The following ZNF26 variants were observed in gnomAD, a reference collection of about 807,000 sequenced individuals.
The protein encoded by ZNF26 is epididymis luminal protein 179.
A neutral mutation model predicts 54.9 loss-of-function variants in ZNF26; 32 were observed. The observed-to-expected ratio is 0.58, with a 90% CI of 0.44 to 0.78. The LOEUF (loss-of-function observed/expected upper bound fraction) is 0.78. Ranked by LOEUF, ZNF26 falls within the 30% of genes least tolerant of loss-of-function variation. ZNF26 has a pLI of 0.00. For synonymous variants in ZNF26, 221 were observed against 209.2 expected, an observed-to-expected ratio of 1.06 and a Z score of -0.49; for missense variants, 524 against 634.0, an observed-to-expected ratio of 0.83 and a Z score of 1.86.
In ZNF26 at chr12:133,014,525, CTGTT is replaced by C. The variant is rs1440726804; in HGVS notation, c.*3046_*3049del. On this transcript the variant is annotated 3_prime_UTR_variant, in exon 4 of 4. Coordinates refer to ENST00000328654, the MANE Select transcript of ZNF26 (RefSeq NM_019591.4). ...CCAGCAGTGATGATGGTTTTGCTTT[CTGTT>C]TTTTTTTTTGTTTTGTTTTGTTTTT... is the stretch of plus-strand genomic sequence containing the variant. The C allele has an allele frequency of 2.0e-5, 3 of 149,192 alleles. No individual in the cohort carries two copies. The highest frequency in any genetic ancestry group is 7.4e-5 in the African/African-American group (3 of 40,340). 9.2% of individuals were successfully genotyped at this position (149,192 alleles called of 1,614,324 possible). A position where few individuals can be genotyped will look rare whatever the true frequency, so the allele number is the denominator to read the frequency against.
chr12:132,990,576 C>A (rs1952927272), intron 1 of ZNF26, among the ~76,000 whole-genome samples: 1 of 152,162 alleles, frequency 6.6e-6, no homozygotes, highest in African/African-American at 2.4e-5. Context: ...AGGATTCCCT[C>A]TGCCTTTATC....
At position 133,001,808 on chromosome 12, in the gene ZNF26, C is replaced by G; in HGVS notation, c.34-5234C>G. Reference sequence around the variant, plus strand: ...CTCCCCAGCTGCCTTTTGAGAGTCCCGCGGCAGTCTTTGCCTTCAGAATTT... The same window carrying G: ...CTCCCCAGCTGCCTTTTGAGAGTCCGGCGGCAGTCTTTGCCTTCAGAATTT... On this transcript the variant is annotated intron_variant, in intron 1 of 3. Coordinates refer to ENST00000328654, the MANE Select transcript of ZNF26 (RefSeq NM_019591.4). The surrounding 1 kb of genome is among the most constrained non-coding windows in gnomAD (Gnocchi z 4.7). 5.1e-6 allele frequency: 4 copies of G among 784,840 alleles called. No homozygotes were observed. In the South Asian group the frequency reaches 5.8e-5, roughly 11 times the overall value. 48.6% of individuals were successfully genotyped at this position (784,840 alleles called of 1,614,324 possible). A position where few individuals can be genotyped will look rare whatever the true frequency, so the allele number is the denominator to read the frequency against.
intron 1 of ZNF26, among the ~76,000 whole-genome samples, chr12:132,990,889 C>G (rs907260451): frequency 1.3e-5 from 2 of 151,920 alleles, no homozygotes; most frequent in Admixed American, 6.6e-5. Context: ...GATAGAGTCT[C>G]ACTCTGTCAC....
chr12:133,012,540 C>G lies in ZNF26; in HGVS notation c.*1059C>G, dbSNP rs1458752857. ...CTTCTCTGATCTGTGTGTTTCCTCACTTCTCAATAAAAATGTCTTTTGCTT... is the reference window on the plus strand; with the variant it reads ...CTTCTCTGATCTGTGTGTTTCCTCAGTTCTCAATAAAAATGTCTTTTGCTT... On this transcript the variant is annotated 3_prime_UTR_variant, in exon 4 of 4. Coordinates refer to ENST00000328654, the MANE Select transcript of ZNF26 (RefSeq NM_019591.4). 1 of 136,234 alleles carries G rather than the reference C, an allele frequency of 7.3e-6. No homozygotes were observed. The highest frequency in any genetic ancestry group is 2.7e-5 in the African/African-American group (1 of 36,628). The allele number at this position is 136,234 out of a possible 1,614,324, so 8.4% of individuals were successfully genotyped here.
At position 133,024,748 on chromosome 12, in the gene ZNF26, A is replaced by G. The variant is rs1953680649; in HGVS notation, c.*13267A>G. The G allele has an allele frequency of 6.6e-6, 1 of 152,172 alleles. No homozygotes were observed. Among genetic ancestry groups the G allele is most frequent in the Non-Finnish European group, 1.5e-5 (1 of 68,040 alleles). The allele number at this position is 152,172 out of a possible 1,614,324, so 9.4% of individuals were successfully genotyped here. On this transcript the variant is annotated 3_prime_UTR_variant, in exon 4 of 4. Transcript: ENST00000328654. Reference sequence around the variant, plus strand: ...TTCTGTGAGCCCTCTCTCATAAGCAACAGAACTGCTAAGAATTTTAAGGGT... The same window carrying G: ...TTCTGTGAGCCCTCTCTCATAAGCAGCAGAACTGCTAAGAATTTTAAGGGT...
chr12:132,998,035 G>A (rs1953128784), intron 1 of ZNF26, among the ~76,000 whole-genome samples: 2 of 152,082 alleles, frequency 1.3e-5, no homozygotes, highest in South Asian at 4.1e-4. Flanking sequence ...ATAAATCGTA[G>A]CAGGACCAAC....
intron 1 of ZNF26, among the ~76,000 whole-genome samples, chr12:132,991,477 G>A (rs1027560986): frequency 6.6e-6 from 1 of 150,742 alleles, no homozygotes; most frequent in Non-Finnish European, 1.5e-5. Flanking sequence ...CAGCCCGGGC[G>A]ACAGAGCGAG....
intron 1 of ZNF26, among the ~76,000 whole-genome samples, chr12:132,999,675 T>G (rs966467306): frequency 2.0e-5 from 3 of 152,122 alleles, no homozygotes; most frequent in African/African-American, 7.2e-5. Context: ...CTTTAACTTC[T>G]AAGTTTTGAA....
chr12:132,988,842 CATT>C (rs1329117063), intron 1 of ZNF26, among the ~76,000 whole-genome samples: 2 of 151,908 alleles, frequency 1.3e-5, no homozygotes, highest in Admixed American at 6.6e-5. Context: ...TATATAGTAT[CATT>C]ATATATTTTG....
chr12:133,009,735 C>T (rs1391488802), intron 3 of ZNF26, among the ~76,000 whole-genome samples: 1 of 152,100 alleles, frequency 6.6e-6, no homozygotes, highest in African/African-American at 2.4e-5. Flanking sequence ...CAGGCTTCTT[C>T]CTCAGGAACT....
rs1378200677 is a variant in ZNF26, at chr12:133,012,589, T to G, written c.*1108T>G. The G allele has an allele frequency of 4.1e-4, 50 of 122,208 alleles. No homozygotes were observed. Among genetic ancestry groups the G allele is most frequent in the African/African-American group, 1.4e-3 (46 of 32,218 alleles). The allele number at this position is 122,208 out of a possible 1,614,324, so 7.6% of individuals were successfully genotyped here. A position where few individuals can be genotyped will look rare whatever the true frequency, so the allele number is the denominator to read the frequency against. ...TTTTTGTTGTTTGGGTTTTTTTTTT[T>G]TTTTTTTTTTTTTTTTTTTTGAGAC... On this transcript the variant is annotated 3_prime_UTR_variant, in exon 4 of 4. Transcript: ENST00000328654.
chr12:133,002,607 C>T (rs1953242659), intron 1 of ZNF26, among the ~76,000 whole-genome samples: 1 of 151,328 alleles, frequency 6.6e-6, no homozygotes, highest in African/African-American at 2.4e-5. Context: ...CCCTTACCTG[C>T]TTGGATTTTT....
intron 1 of ZNF26, among the ~76,000 whole-genome samples, chr12:132,997,361 G>A (rs1199445373): frequency 6.6e-6 from 1 of 151,940 alleles, no homozygotes. Context: ...CAGAACAGGG[G>A]TTAATCAGAA....
chr12:133,016,648 G>T lies in ZNF26; in HGVS notation c.*5167G>T, dbSNP rs1953570628. The T allele has an allele frequency of 6.6e-6, 1 of 151,806 alleles. No homozygotes were observed. Among genetic ancestry groups the T allele is most frequent in the African/African-American group, 2.4e-5 (1 of 41,288 alleles). The allele number at this position is 151,806 out of a possible 1,614,324, so 9.4% of individuals were successfully genotyped here. On this transcript the variant is annotated 3_prime_UTR_variant, in exon 4 of 4. Transcript: ENST00000328654. ...AAAAAAAAAATACCCCGGGATGGTG[G>T]CTTAGGGCTGTGGTCCCAGCTACTC...
Position 133,021,100 on chromosome 12 carries a change from ATTTTTTTTTTCTTTTTCATT to A in ZNF26, c.*9630_*9649del, listed in dbSNP as rs1953633584. The A allele has an allele frequency of 7.4e-6, 1 of 135,436 alleles. No individual in the cohort carries two copies. Among genetic ancestry groups the A allele is most frequent in the East Asian group, 2.2e-4 (1 of 4,456 alleles). 8.4% of individuals were successfully genotyped at this position (135,436 alleles called of 1,614,324 possible). On this transcript the variant is annotated 3_prime_UTR_variant, in exon 4 of 4. Transcript: ENST00000328654. ...TTATGCCTCCAACCTATGCTCATAC[ATTTTTTTTTTCTTTTTCATT>A]TTTTTTTTTTTTTTTTGAGACGGAA...
intron 1 of ZNF26, chr12:133,004,383 A>C (rs1953281147): frequency 6.6e-6 from 1 of 152,254 alleles, no homozygotes; most frequent in Admixed American, 6.5e-5. Context: ...TTTAGTTCAG[A>C]TGTGTTTGAA....
chr12:133,004,955 G>A (rs911072097), intron 1 of ZNF26: 2 of 151,962 alleles, frequency 1.3e-5, no homozygotes, highest in Non-Finnish European at 2.9e-5. Flanking sequence ...TGGTTATCAG[G>A]TGTTCTCTTT....
In ZNF26 at chr12:133,012,203, A is replaced by G. The variant is rs933358957; in HGVS notation, c.*722A>G. 1.3e-5 allele frequency: 2 copies of G among 152,146 alleles called. No individual in the cohort carries two copies. The highest frequency in any genetic ancestry group is 2.9e-5 in the Non-Finnish European group (2 of 68,020). The allele number at this position is 152,146 out of a possible 1,614,324, so 9.4% of individuals were successfully genotyped here. A position where few individuals can be genotyped will look rare whatever the true frequency, so the allele number is the denominator to read the frequency against. The stretch of plus-strand genomic sequence containing the variant: ...ATAATGAACGTTTATTATATTTTGC[A>G]GTTCCATGCCTGTTGTCCATTGATT... On this transcript the variant is annotated 3_prime_UTR_variant, in exon 4 of 4. Transcript: ENST00000328654.
At position 133,007,447 on chromosome 12, in the gene ZNF26, T is replaced by G. The variant is rs1953355809; in HGVS notation, c.171T>G (p.Gly57=). Residue 57 remains glycine, a synonymous_variant, in exon 3 of 4, where the codon GGT becomes GGG. Transcript: ENST00000328654. ...YHNLISVGYH[G]TKPDLIFKLE... ...ATTTCCCATCAACAGGGTATCATGG[T>G]ACCAAGCCTGACTTAATCTTCAAGT... 7.4e-6 allele frequency: 12 copies of G among 1,613,302 alleles called. No individual in the cohort carries two copies. Among genetic ancestry groups the G allele is most frequent in the Non-Finnish European group, 9.3e-6 (11 of 1,179,540 alleles).
Sources: gnomAD v4.1 joint callset for allele counts (sites outside exome capture counted in the v4.1 genomes callset) on GRCh38, gnomAD v4.1.1 for gene constraint, Gnocchi (gnomAD v3.1) non-coding constraint, MANE v1.5 for transcripts, NCBI Gene and HGNC (gene_info 2026-07-23, HGNC 2026-07-21) for gene names.